Variants in SLC3A2 observed in about 807,000 individuals in gnomAD.
The protein encoded by SLC3A2 is solute carrier family 3 member 2, also known as amino acid transporter heavy chain SLC3A2.
A neutral mutation model predicts 48.5 loss-of-function variants in SLC3A2; 32 were observed. The ratio of observed to expected loss-of-function variants is 0.66; its 90% confidence interval spans 0.50 to 0.89. The LOEUF (loss-of-function observed/expected upper bound fraction) is 0.89, where lower values mean the gene tolerates loss of function less well. Ranked by LOEUF, SLC3A2 falls within the 40% of genes least tolerant of loss-of-function variation. The probability of loss-of-function intolerance (pLI) is 0.00; values close to 1 mark genes in which losing one functional copy is unlikely to be tolerated. For synonymous variants in SLC3A2, 277 were observed against 288.8 expected (o/e 0.96, Z 0.41); for missense variants, 587 against 680.7 (o/e 0.86, Z 1.53).
chr11:62,860,010 A>G (rs1194324511), intron 1 of SLC3A2, among the ~76,000 whole-genome samples: 1 of 152,178 alleles, frequency 6.6e-6, no homozygotes, highest in East Asian at 1.9e-4. Context: ...TTCCCTCAGT[A>G]TTTATTGATC....
rs1165324881 is a variant in SLC3A2, at chr11:62,881,495, G to A, written c.424+48G>A. 2 of 1,511,622 alleles carry A rather than the reference G, an allele frequency of 1.3e-6. No homozygotes were observed. Among genetic ancestry groups the A allele is most frequent in the Admixed American group, 2.0e-5 (1 of 50,348 alleles). 93.6% of individuals were successfully genotyped at this position (1,511,622 alleles called of 1,614,324 possible). ...CCGGGTACCTCCGGTTGAATCTGGTGGCTTGCACCGACCCCCTCCCCTGTC... is the reference window on the plus strand; with the variant it reads ...CCGGGTACCTCCGGTTGAATCTGGTAGCTTGCACCGACCCCCTCCCCTGTC... On this transcript the variant is annotated intron_variant, in intron 1 of 8. Transcript: ENST00000338663. The surrounding 1 kb of genome is among the most constrained non-coding windows in gnomAD (Gnocchi z 4.0).
chr11:62,882,680 C>G, intron 2 of SLC3A2: 1 of 488,512 alleles, frequency 2.0e-6, no homozygotes. Context: ...AGACAATTTT[C>G]AACATGTTGA....
intron 1 of SLC3A2, chr11:62,856,438 G>C: frequency 6.8e-7 from 1 of 1,465,294 alleles, no homozygotes. Flanking sequence ...GCCATTTCGG[G>C]AAAGTATGTC....
intron 1 of SLC3A2, chr11:62,856,427 G>T (rs1392003672): frequency 6.6e-7 from 1 of 1,505,944 alleles, no homozygotes. Context: ...CCTTTGGTGG[G>T]GCCATTTCGG....
At chr11:62,884,329 A>C in intron 3 of SLC3A2, 128 bp from the exon 4 acceptor site, 1 of 948,896 alleles carries the variant, frequency 1.1e-6, no homozygotes, top group South Asian at 1.4e-5. Flanking sequence ...GGGAAGACCC[A>C]GGCAAGGCAC....
At chr11:62,870,816 T>G (rs2085504245) in intron 1 of SLC3A2, 1 of 222,242 alleles carries the variant, frequency 4.5e-6, no homozygotes. Context: ...TCCCTCAGCT[T>G]CCCAGAATGC....
At chr11:62,862,333 CAAAAAAAAAAAA>C (rs71065311) in intron 1 of SLC3A2, among the ~76,000 whole-genome samples, 1 of 55,910 alleles carries the variant, frequency 1.8e-5, no homozygotes. Flanking sequence ...GACTCTGTCT[CAAAAAAAAAAAA>C]AAAAAAAAAA....
At chr11:62,869,523 C>CAAAA (rs57962693) in intron 1 of SLC3A2, among the ~76,000 whole-genome samples, 72 of 53,770 alleles carry the variant, frequency 1.3e-3, no homozygotes, top group Non-Finnish European at 1.8e-3. Flanking sequence ...GACTCCATCT[C>CAAAA]AAAAAAAAAA....
chr11:62,869,570 T>A (rs554409158), intron 1 of SLC3A2, among the ~76,000 whole-genome samples: 1 of 151,600 alleles, frequency 6.6e-6, no homozygotes, highest in Admixed American at 6.6e-5. Flanking sequence ...ATTTGGTGAT[T>A]TTTTTTCTTG....
In SLC3A2 at chr11:62,881,321, G is replaced by A. The variant is rs1157441170; in HGVS notation, c.298G>A (p.Val100Met). ...CTGGCTCGGCATGCTTGCTGGTGCC[G>A]TGGTCATAATCGTGCGAGCGCCGCG... Reference protein sequence around the residue: ...LGWLGMLAGAVVIIVRAPRCR... With the variant: ...LGWLGMLAGAMVIIVRAPRCR... The change falls in exon 1 of 9, where the codon GTG becomes ATG. Residue 100 changes from valine to methionine, a missense_variant. Physicochemically the swap from Val to Met is conservative, Grantham distance 21 (BLOSUM62 1). Transcript: ENST00000338663. This position sits in a 1 kb window ranked among gnomAD's most constrained non-coding sequence, Gnocchi z 4.0. 6 of 1,581,986 alleles carry A rather than the reference G, an allele frequency of 3.8e-6. No individual in the cohort carries two copies. Among genetic ancestry groups the A allele is most frequent in the African/African-American group, 1.3e-5 (1 of 74,374 alleles).
chr11:62,857,411 A>AC (rs1489593603), intron 1 of SLC3A2, among the ~76,000 whole-genome samples: 2 of 152,158 alleles, frequency 1.3e-5, no homozygotes, highest in Admixed American at 6.6e-5. Flanking sequence ...GGGGTGGGCC[A>AC]CCACACCCGG....
intron 2 of SLC3A2, 52 bp from the exon 3 acceptor site, chr11:62,882,856 T>C (rs368937927): frequency 7.1e-7 from 1 of 1,417,734 alleles, no homozygotes; most frequent in South Asian, 1.1e-5. Flanking sequence ...TTTCCTTATT[T>C]TCCCTTAACT....
At chr11:62,882,118 G>A (rs749465296) in intron 2 of SLC3A2, 52 bp downstream of exon 2, 5 of 1,603,040 alleles carry the variant, frequency 3.1e-6, no homozygotes, top group African/African-American at 2.7e-5. Flanking sequence ...TTGGCCAGAG[G>A]AAAAGTAGGC....
chr11:62,885,690 G>A (rs903491938), intron 7 of SLC3A2, 82 bp downstream of exon 7: 26 of 1,504,624 alleles, frequency 1.7e-5, no homozygotes, highest in African/African-American at 5.5e-5. Context: ...GCACATAGAC[G>A]TGAGCCTTGG....
chr11:62,877,024 C>A, upstream of SLC3A2: 2 of 821,034 alleles, frequency 2.4e-6, no homozygotes, highest in Non-Finnish European at 2.9e-6. Flanking sequence ...TCTTCACATG[C>A]TAGTTTTTTT....
chr11:62,884,405 G>A, intron 3 of SLC3A2, 52 bp from the exon 4 acceptor site: 1 of 1,603,212 alleles, frequency 6.2e-7, no homozygotes. Flanking sequence ...GGAATTTTCT[G>A]AGCCTTTTCC....
exon 1 of SLC3A2, chr11:62,856,355 A>G (rs147692462): frequency 6.2e-7 from 1 of 1,612,562 alleles, no homozygotes; most frequent in African/African-American, 1.3e-5. Flanking sequence ...GCTGGTGTCC[A>G]GGGTCTCAGC....
chr11:62,861,958 C>T (rs1298314389), intron 1 of SLC3A2, among the ~76,000 whole-genome samples: 1 of 98,036 alleles, frequency 1.0e-5, no homozygotes, highest in Non-Finnish European at 2.5e-5. Context: ...CACTTCAGCT[C>T]ACAATCAGTT....
chr11:62,876,363 T>C (rs956433182), upstream of SLC3A2, among the ~76,000 whole-genome samples: 20 of 152,206 alleles, frequency 1.3e-4, 5 homozygotes, highest in Admixed American at 1.2e-3. Context: ...TGGACCTTAT[T>C]GGCATCTGGG....
Sources: allele counts gnomAD v4.1 joint callset (sites outside exome capture counted in the v4.1 genomes callset), GRCh38; gene constraint gnomAD v4.1.1; non-coding constraint Gnocchi (gnomAD v3.1); transcripts MANE v1.5; gene names NCBI Gene and HGNC (gene_info 2026-07-23, HGNC 2026-07-21).